EML5: variants seen among roughly 807,000 people sequenced by gnomAD.
EML5 encodes echinoderm microtubule-associated protein-like 5.
Under a neutral mutation model 250.0 loss-of-function variants are expected in EML5, and 120 were observed. That is an observed-to-expected ratio of 0.48 (90% CI 0.41 to 0.56). EML5 has a LOEUF of 0.56. Ranked by LOEUF, EML5 falls within the 20% of genes least tolerant of loss-of-function variation. EML5 has a pLI of 0.00. For synonymous variants in EML5, 771 were observed against 806.5 expected (o/e 0.96, Z 0.75); for missense variants, 2,006 against 2,437.6 (o/e 0.82, Z 3.73).
intron 8 of EML5, among the ~76,000 whole-genome samples, chr14:88,717,112 G>A (rs1313550777): frequency 6.6e-6 from 1 of 152,178 alleles, no homozygotes; most frequent in Non-Finnish European, 1.5e-5. Context: ...GAGTGATTCT[G>A]GGGAGACATA....
intron 22 of EML5, 54 bp downstream of exon 22, chr14:88,665,283 T>G: frequency 6.5e-7 from 1 of 1,534,874 alleles, no homozygotes; most frequent in Middle Eastern, 1.7e-4. Flanking sequence ...ATTGATACAT[T>G]TATACACTGC....
intron 1 of EML5, among the ~76,000 whole-genome samples, chr14:88,765,857 T>C (rs2094313056): frequency 6.6e-6 from 1 of 152,226 alleles, no homozygotes; most frequent in Non-Finnish European, 1.5e-5. Flanking sequence ...GAACAGTTAC[T>C]TCATGGCATA....
intron 1 of EML5, among the ~76,000 whole-genome samples, chr14:88,759,070 T>C (rs1677802740): frequency 6.6e-6 from 1 of 151,568 alleles, no homozygotes. Context: ...TGAAATTAGA[T>C]AGAAGTGATG....
rs1017626124 is a variant in EML5, at chr14:88,661,252, C to T, written c.3675+402G>A. 2.6e-5 allele frequency among the ~76,000 whole-genome samples: 4 copies of T among 152,224 alleles called. No individual in the cohort carries two copies. The South Asian group carries it at 8.3e-4, about 32-fold the overall frequency. ...TACAGGCATGTGCCACAATGCCTGGCTAATTTTTTTCTCTGTTTTGTAGAG... is the reference window on the plus strand; with the variant it reads ...TACAGGCATGTGCCACAATGCCTGGTTAATTTTTTTCTCTGTTTTGTAGAG... On this transcript the variant is annotated intron_variant, in intron 25 of 43. Coordinates refer to ENST00000554922, the MANE Select transcript of EML5 (RefSeq NM_183387.3).
chr14:88,709,893 G>A (rs569740239), intron 10 of EML5, among the ~76,000 whole-genome samples: 48 of 152,116 alleles, frequency 3.2e-4, no homozygotes, highest in Non-Finnish European at 5.1e-4. Flanking sequence ...ATCAGTCCCC[G>A]TTATAAATTT....
intron 20 of EML5, among the ~76,000 whole-genome samples, chr14:88,683,673 A>T (rs960631803): frequency 2.0e-5 from 3 of 152,338 alleles, no homozygotes; most frequent in East Asian, 3.9e-4. Flanking sequence ...GATTGACAAC[A>T]TCAAAAATCA....
chr14:88,661,614 T>C, intron 25 of EML5, 40 bp downstream of exon 25: 4 of 1,564,416 alleles, frequency 2.6e-6, no homozygotes, highest in Non-Finnish European at 3.5e-6. Context: ...AACCATTTCA[T>C]AATTGATGAT....
chr14:88,621,598 C>A, intron 37 of EML5: 1 of 417,706 alleles, frequency 2.4e-6, no homozygotes, highest in South Asian at 3.1e-5. Context: ...CTTAGGATTT[C>A]CAAACTGGGG....
intron 14 of EML5, among the ~76,000 whole-genome samples, chr14:88,701,496 T>A (rs1428098394): frequency 1.3e-5 from 2 of 151,956 alleles, no homozygotes. Flanking sequence ...ATGTGCTTGA[T>A]GAATGTTTTT....
intron 21 of EML5, among the ~76,000 whole-genome samples, chr14:88,673,096 T>C (rs977547140): frequency 6.6e-6 from 1 of 151,910 alleles, no homozygotes; most frequent in African/African-American, 2.4e-5. Context: ...AAAAGAAAAC[T>C]CCAGGCCAAT....
At chr14:88,712,656 G>C (rs979478398) in intron 9 of EML5, among the ~76,000 whole-genome samples, 173 bp from the exon 10 acceptor site, 5 of 152,116 alleles carry the variant, frequency 3.3e-5, no homozygotes, top group African/African-American at 4.8e-5. Context: ...AAAACTAAAT[G>C]CAAGAAATTT....
chr14:88,660,772 A>C (rs916718512), intron 25 of EML5, among the ~76,000 whole-genome samples: 5 of 151,972 alleles, frequency 3.3e-5, no homozygotes, highest in African/African-American at 1.2e-4. Flanking sequence ...GAAAAAAAAA[A>C]CTTAATATAC....
chr14:88,763,546 GAC>G (rs1446476053), intron 1 of EML5, among the ~76,000 whole-genome samples: 3 of 152,028 alleles, frequency 2.0e-5, no homozygotes, highest in Non-Finnish European at 4.4e-5. Flanking sequence ...CCCAGGACCA[GAC>G]AGATTCACAG....
chr14:88,635,250 CAT>C (rs1318084412), intron 32 of EML5, among the ~76,000 whole-genome samples: 5 of 152,158 alleles, frequency 3.3e-5, no homozygotes, highest in African/African-American at 1.2e-4. Flanking sequence ...ATTTAAAAAA[CAT>C]ATTGATAACA....
At chr14:88,682,732 C>T (rs954383313) in intron 20 of EML5, among the ~76,000 whole-genome samples, 1 of 152,190 alleles carries the variant, frequency 6.6e-6, no homozygotes, top group South Asian at 2.1e-4. Context: ...GCTCAGCTGA[C>T]AGGTGGGAGA....
chr14:88,754,132 T>TA (rs1314408983), intron 2 of EML5, among the ~76,000 whole-genome samples: 2 of 151,936 alleles, frequency 1.3e-5, no homozygotes, highest in South Asian at 2.1e-4. Flanking sequence ...TCTCTAAAAA[T>TA]AAAAAAATAA....
chr14:88,721,729 C>T (rs564325597), intron 8 of EML5, among the ~76,000 whole-genome samples: 18 of 152,220 alleles, frequency 1.2e-4, no homozygotes, highest in Admixed American at 5.9e-4. Flanking sequence ...ATGAAGAAAT[C>T]GCTAAAAGCA....
At chr14:88,735,339 A>G (rs2093823349) in intron 7 of EML5, among the ~76,000 whole-genome samples, 1 of 152,176 alleles carries the variant, frequency 6.6e-6, no homozygotes, top group Non-Finnish European at 1.5e-5. Context: ...TAATATATAA[A>G]CAGGTATCAT....
intron 21 of EML5, among the ~76,000 whole-genome samples, chr14:88,679,989 T>C (rs2092683783): frequency 6.6e-6 from 1 of 152,166 alleles, no homozygotes; most frequent in African/African-American, 2.4e-5. Flanking sequence ...CTTTGCTCCT[T>C]AAGGTTGCTT....
Sources: allele counts gnomAD v4.1 joint callset (sites outside exome capture counted in the v4.1 genomes callset), GRCh38; gene constraint gnomAD v4.1.1; transcripts MANE v1.5; gene names NCBI Gene and HGNC (gene_info 2026-07-23, HGNC 2026-07-21).